The following PACS1 variants were observed in gnomAD, a reference collection of about 807,000 sequenced individuals.
The protein encoded by PACS1 is phosphofurin acidic cluster sorting protein 1.
In PACS1, 24 loss-of-function variants were observed where a neutral mutation model predicts 115.0. That is an observed-to-expected ratio of 0.21 (90% CI 0.15 to 0.29). The LOEUF (loss-of-function observed/expected upper bound fraction) is 0.29. PACS1 is among the 10% of genes least tolerant of loss of function. The pLI is 1.00. For missense variants in PACS1, 838 were observed against 1,251.2 expected (o/e 0.67, Z 4.98); for synonymous variants, 453 against 504.5 (o/e 0.90, Z 1.37).
chr11:66,102,087 C>T (rs779021996), intron 1 of PACS1, among the ~76,000 whole-genome samples: 37 of 152,058 alleles, frequency 2.4e-4, no homozygotes, highest in Non-Finnish European at 5.0e-4. Context: ...AATTTGAAAC[C>T]AGAGCTACCT....
At chr11:66,182,945 CA>C (rs1255091575) in intron 1 of PACS1, among the ~76,000 whole-genome samples, 1 of 152,176 alleles carries the variant, frequency 6.6e-6, no homozygotes, top group African/African-American at 2.4e-5. Context: ...GCCTGGGCAA[CA>C]TGGTGAAACC....
At chr11:66,155,786 AGCGTATTCATGACG>A (rs1859336871) in intron 1 of PACS1, among the ~76,000 whole-genome samples, 2 of 152,170 alleles carry the variant, frequency 1.3e-5, no homozygotes, top group African/African-American at 4.8e-5. Flanking sequence ...TGTTTGTAGC[AGCGTATTCATGACG>A]GCCAAAGGCT....
intron 2 of PACS1, among the ~76,000 whole-genome samples, chr11:66,205,661 T>A (rs1854918208): frequency 6.7e-6 from 1 of 150,066 alleles, no homozygotes; most frequent in Admixed American, 6.6e-5. Context: ...ACTCTTAATT[T>A]TTTTTTTTTT....
chr11:66,243,059 G>A (rs201993184), intron 23 of PACS1, 28 bp downstream of exon 23: 2 of 1,613,550 alleles, frequency 1.2e-6, no homozygotes, highest in Admixed American at 1.7e-5. Context: ...GCCGGGAGGA[G>A]GGCAAGAAAG....
chr11:66,145,884 A>G (rs1035293229), intron 1 of PACS1, among the ~76,000 whole-genome samples: 9 of 152,208 alleles, frequency 5.9e-5, no homozygotes, highest in Non-Finnish European at 1.3e-4. Flanking sequence ...GAATTTGAAA[A>G]GAAAAACTGG....
At chr11:66,129,455 A>ATAT (rs71455707) in intron 1 of PACS1, among the ~76,000 whole-genome samples, 10,677 of 140,286 alleles carry the variant, frequency 0.076, 615 homozygotes, top group African/African-American at 0.16. Flanking sequence ...GGTTTAAAAA[A>ATAT]TATTATTATT....
chr11:66,117,668 G>A (rs1040134191), intron 1 of PACS1, among the ~76,000 whole-genome samples: 14 of 151,816 alleles, frequency 9.2e-5, no homozygotes, highest in Admixed American at 5.2e-4. Context: ...CCAACATGGA[G>A]AAACCCCATC....
chr11:66,192,707 A>G (rs913448502), intron 1 of PACS1, among the ~76,000 whole-genome samples: 2 of 152,212 alleles, frequency 1.3e-5, no homozygotes, highest in Non-Finnish European at 2.9e-5. Context: ...TTGACCACCC[A>G]GGCAGCCATA....
chr11:66,237,663 C>T (rs368269302), intron 19 of PACS1, among the ~76,000 whole-genome samples: 18 of 152,340 alleles, frequency 1.2e-4, no homozygotes, highest in East Asian at 1.2e-3. Flanking sequence ...TGGTTTGACA[C>T]ATCTTCGTGG....
At position 66,234,339 on chromosome 11, in the gene PACS1, T is replaced by C. The variant is rs536415799; in HGVS notation, c.2104+97T>C. 7.6e-4 allele frequency: 615 copies of C among 806,628 alleles called. 1 individual carries two copies. The highest frequency in any genetic ancestry group is 2.2e-4 in the Non-Finnish European group (100 of 448,370). 50.0% of individuals were successfully genotyped at this position (806,628 alleles called of 1,614,324 possible). ...GCTGAGGTCATGCTGCTTTCCTCCC[T>C]GCAGCTCTCACCTTCCCGGTCACTC... On this transcript the variant is annotated intron_variant, in intron 17 of 23. Coordinates refer to ENST00000320580, the MANE Select transcript of PACS1 (RefSeq NM_018026.4).
At chr11:66,179,596 G>A (rs1215637267) in intron 1 of PACS1, among the ~76,000 whole-genome samples, 1 of 152,096 alleles carries the variant, frequency 6.6e-6, no homozygotes, top group Non-Finnish European at 1.5e-5. Context: ...CTAATCAGAG[G>A]AAATGTATCT....
At chr11:66,166,711 G>T (rs1422320458) in intron 1 of PACS1, among the ~76,000 whole-genome samples, 1 of 150,402 alleles carries the variant, frequency 6.6e-6, no homozygotes, top group Non-Finnish European at 1.5e-5. Flanking sequence ...TGAATTTACA[G>T]GTTTGTCTAC....
At position 66,219,537 on chromosome 11, in the gene PACS1, C is replaced by G. The variant is rs183346251; in HGVS notation, c.979-209C>G. The G allele has an allele frequency of 1.0e-5, 7 of 685,724 alleles. No individual in the cohort carries two copies. The African/African-American group carries it at 1.1e-4, about 10-fold the overall frequency. The allele number at this position is 685,724 out of a possible 1,614,324, so 42.5% of individuals were successfully genotyped here. A position where few individuals can be genotyped will look rare whatever the true frequency, so the allele number is the denominator to read the frequency against. ...GGACCTGGGGATAGACATTCCTTCT[C>G]CCCGCAGCTGCACCCAAGGCCCAGG... On this transcript the variant is annotated intron_variant, in intron 7 of 23. Transcript: ENST00000320580.
intron 1 of PACS1, among the ~76,000 whole-genome samples, chr11:66,114,756 G>A (rs1858266277): frequency 6.6e-6 from 1 of 152,160 alleles, no homozygotes; most frequent in African/African-American, 2.4e-5. Context: ...AAAGTTGAAT[G>A]TAAGTTCTCT....
intron 1 of PACS1, among the ~76,000 whole-genome samples, chr11:66,136,514 G>C (rs758284008): frequency 3.9e-5 from 6 of 152,092 alleles, no homozygotes; most frequent in Non-Finnish European, 7.3e-5. Flanking sequence ...AGCTGTGATA[G>C]CCCATCATTA....
chr11:66,154,407 C>A (rs1488398419), intron 1 of PACS1, among the ~76,000 whole-genome samples: 1 of 152,150 alleles, frequency 6.6e-6, no homozygotes, highest in African/African-American at 2.4e-5. Context: ...CCACTGCCCT[C>A]CAGCCTGGGC....
intron 10 of PACS1, among the ~76,000 whole-genome samples, chr11:66,225,781 TTTAA>T (rs2134727141): frequency 6.6e-6 from 1 of 152,308 alleles, no homozygotes; most frequent in Non-Finnish European, 1.5e-5. Context: ...TTAAAACGCG[TTTAA>T]TTAATTTGTC....
chr11:66,209,124 G>T (rs1481910920), intron 2 of PACS1, among the ~76,000 whole-genome samples: 1 of 152,054 alleles, frequency 6.6e-6, no homozygotes, highest in Non-Finnish European at 1.5e-5. Context: ...TTGGAGGCGG[G>T]GAGGTTACAG....
chr11:66,084,137 G>T (rs951708056), intron 1 of PACS1: 1 of 152,322 alleles, frequency 6.6e-6, no homozygotes, highest in African/African-American at 2.4e-5. Context: ...AGCTGGATGG[G>T]GATAAGTGGG....
Sources: gnomAD v4.1 joint callset for allele counts (sites outside exome capture counted in the v4.1 genomes callset) on GRCh38, gnomAD v4.1.1 for gene constraint, MANE v1.5 for transcripts, NCBI Gene and HGNC (gene_info 2026-07-23, HGNC 2026-07-21) for gene names.